Variants in GLMN observed in about 807,000 individuals in gnomAD.
GLMN encodes glomulin.
In GLMN, 75 loss-of-function variants were observed where a neutral mutation model predicts 87.8. The ratio of observed to expected loss-of-function variants is 0.85; its 90% CI spans 0.71 to 1.04. GLMN has a LOEUF of 1.04. Among genes scored for constraint, GLMN ranks in the 50% least tolerant of loss-of-function variants. The pLI, the probability that GLMN is intolerant of heterozygous loss-of-function variation, is 0.00. For synonymous variants in GLMN, 206 were observed against 221.6 expected, an observed-to-expected ratio of 0.93 and a Z score of 0.63; for missense variants, 588 against 658.8, an observed-to-expected ratio of 0.89 and a Z score of 1.18.
the GLMN span, among the ~76,000 whole-genome samples, chr1:92,307,584 A>G: frequency 6.6e-6 from 1 of 152,194 alleles, no homozygotes; most frequent in Non-Finnish European, 1.5e-5. Flanking sequence ...CTGGAGGAAG[A>G]ATGTTAAATT....
chr1:92,269,939 G>A (rs1656064192), intron 8 of GLMN, among the ~76,000 whole-genome samples, 163 bp from the exon 9 acceptor site: 1 of 152,194 alleles, frequency 6.6e-6, no homozygotes, highest in Admixed American at 6.5e-5. Flanking sequence ...ATAGGGTTAT[G>A]GAGGTAATCA....
chr1:92,334,744 T>A, the GLMN span, among the ~76,000 whole-genome samples: 1 of 152,052 alleles, frequency 6.6e-6, no homozygotes, highest in Admixed American at 6.5e-5. Flanking sequence ...CCCAGCACTT[T>A]GGGAGTCTGA....
the GLMN span, among the ~76,000 whole-genome samples, chr1:92,306,684 AAAAT>A: frequency 2.0e-5 from 3 of 152,138 alleles, no homozygotes; most frequent in African/African-American, 7.2e-5. Flanking sequence ...TCTCTACAAA[AAAAT>A]AAAATAGCCA....
chr1:92,255,688 GAAAT>G (rs1161922094), intron 16 of GLMN, among the ~76,000 whole-genome samples: 1 of 152,118 alleles, frequency 6.6e-6, no homozygotes, highest in African/African-American at 2.4e-5. Context: ...AATTAAGGCA[GAAAT>G]AAATAAGTTC....
At chr1:92,363,378 G>A in the GLMN span, among the ~76,000 whole-genome samples, 2 of 152,198 alleles carry the variant, frequency 1.3e-5, no homozygotes, top group Non-Finnish European at 2.9e-5. Context: ...CATGGCACAG[G>A]CAGATGGAAT....
the GLMN span, among the ~76,000 whole-genome samples, chr1:92,324,895 T>C: frequency 6.6e-6 from 1 of 152,232 alleles, no homozygotes; most frequent in East Asian, 1.9e-4. Context: ...CACATTCAGA[T>C]AGACCTAGAT....
At chr1:92,260,596 C>CA (rs1453999749) in intron 16 of GLMN, among the ~76,000 whole-genome samples, 3 of 150,244 alleles carry the variant, frequency 2.0e-5, no homozygotes, top group Admixed American at 6.6e-5. Context: ...GCCTGGGCGA[C>CA]AGAGTGAGAC....
At chr1:92,356,815 C>A in the GLMN span, among the ~76,000 whole-genome samples, 3 of 151,672 alleles carry the variant, frequency 2.0e-5, no homozygotes, top group Admixed American at 1.3e-4. Flanking sequence ...GTAATCCCAG[C>A]ACTTTGGGAG....
intron 3 of GLMN, 65 bp downstream of exon 3, chr1:92,297,339 A>C: frequency 6.3e-7 from 1 of 1,588,380 alleles, no homozygotes; most frequent in Non-Finnish European, 8.6e-7. Flanking sequence ...AAATGACTGG[A>C]TGAATAGCAT....
the GLMN span, among the ~76,000 whole-genome samples, chr1:92,318,691 T>C: frequency 3.3e-4 from 51 of 152,332 alleles, no homozygotes; most frequent in Non-Finnish European, 6.6e-4. Context: ...ATCTTACTGA[T>C]TCCACTTTCT....
chr1:92,359,625 C>T, the GLMN span, among the ~76,000 whole-genome samples: 384 of 152,316 alleles, frequency 2.5e-3, 3 homozygotes, highest in South Asian at 9.3e-3. Context: ...TGGCAATGCA[C>T]TTGGTTTTAT....
chr1:92,251,309 C>T (rs1220887679), intron 16 of GLMN, among the ~76,000 whole-genome samples: 4 of 151,638 alleles, frequency 2.6e-5, no homozygotes, highest in South Asian at 2.1e-4. Context: ...AAAAATAGAC[C>T]CATACTTATA....
intron 16 of GLMN, among the ~76,000 whole-genome samples, chr1:92,252,109 T>C (rs3103174): frequency 0.15 from 23,395 of 152,206 alleles, 2,244 homozygotes; most frequent in South Asian, 0.27. Context: ...TTGGTACAAA[T>C]ATACAATTAA....
intron 8 of GLMN, among the ~76,000 whole-genome samples, chr1:92,270,194 G>A (rs1046108844): frequency 2.0e-5 from 3 of 152,194 alleles, no homozygotes; most frequent in African/African-American, 4.8e-5. Flanking sequence ...CCAGAACTAT[G>A]AGACAAACTA....
chr1:92,297,721 T>C, intron 2 of GLMN, 192 bp from the exon 3 acceptor site: 1 of 639,644 alleles, frequency 1.6e-6, no homozygotes, highest in Non-Finnish European at 2.8e-6. Flanking sequence ...GACCTTGAAA[T>C]CTACTGTACC....
the GLMN span, among the ~76,000 whole-genome samples, chr1:92,356,606 T>G: frequency 6.9e-6 from 1 of 145,218 alleles, no homozygotes; most frequent in East Asian, 2.0e-4. Context: ...TTTTTTTTTC[T>G]GTATTTTTAG....
intron 7 of GLMN, among the ~76,000 whole-genome samples, chr1:92,284,659 AAAGT>A (rs1226078648): frequency 1.3e-5 from 2 of 152,246 alleles, no homozygotes; most frequent in Non-Finnish European, 2.9e-5. Flanking sequence ...ACAGCAAAAG[AAAGT>A]ATCATCAGAG....
At chr1:92,291,119 T>G (rs1649351630) in intron 4 of GLMN, among the ~76,000 whole-genome samples, 1 of 152,246 alleles carries the variant, frequency 6.6e-6, no homozygotes, top group Admixed American at 6.5e-5. Context: ...ATTCCACATC[T>G]ATACGATAAG....
chr1:92,312,695 C>G, the GLMN span, among the ~76,000 whole-genome samples: 2 of 152,198 alleles, frequency 1.3e-5, no homozygotes, highest in African/African-American at 2.4e-5. Flanking sequence ...TCCATAGTGA[C>G]TACCTCTACG....
Sources: allele counts gnomAD v4.1 joint callset (sites outside exome capture counted in the v4.1 genomes callset), GRCh38; gene constraint gnomAD v4.1.1; transcripts MANE v1.5; gene names NCBI Gene and HGNC (gene_info 2026-07-23, HGNC 2026-07-21).